VIPR1: variants seen among roughly 807,000 people sequenced by gnomAD.
VIPR1 encodes vasoactive intestinal peptide receptor 1.
A neutral mutation model predicts 58.8 loss-of-function variants in VIPR1; 59 were observed. The ratio of observed to expected loss-of-function variants is 1.00; its 90% CI spans 0.81 to 1.25. The LOEUF (loss-of-function observed/expected upper bound fraction) is 1.25, where lower values mean the gene tolerates loss of function less well. VIPR1 is among the 50% of genes most tolerant of loss of function. VIPR1 has a pLI of 0.00. For missense variants in VIPR1, 626 were observed against 602.7 expected (o/e 1.04, Z -0.40); for synonymous variants, 251 against 242.1 (o/e 1.04, Z -0.34).
rs1423463898 is a variant in VIPR1, at chr3:42,530,933, G to T, written c.790+1G>T. 1.2e-6 allele frequency: 2 copies of T among 1,613,834 alleles called. No homozygotes were observed. Among genetic ancestry groups the T allele is most frequent in the Non-Finnish European group, 1.7e-6 (2 of 1,179,898 alleles). On this transcript the variant is annotated splice_donor_variant, in intron 7 of 12. Coordinates refer to ENST00000325123, the MANE Select transcript of VIPR1 (RefSeq NM_004624.4). LOFTEE classifies it high-confidence loss of function. ...TGGGGGTACATACTCATCGGCTGGG[G>T]TATGGTACCAGGGAGGGCTTCCAGG...
rs1464057349 is a variant in VIPR1 at position 42,502,711 on chromosome 3, G to T, written c.-25G>T. On this transcript the variant is annotated 5_prime_UTR_variant, in exon 1 of 13. Coordinates refer to ENST00000325123, the MANE Select transcript of VIPR1 (RefSeq NM_004624.4). ...GCCAGCTCTTTGCCCGCGCGGGGCC[G>T]CCCGCCGCGGGCTCAGGGCAGACCA... 4 of 1,283,720 alleles carry T rather than the reference G, an allele frequency of 3.1e-6. No homozygotes were observed. The Admixed American group carries it at 1.2e-4, about 40-fold the overall frequency. 79.5% of individuals were successfully genotyped at this position (1,283,720 alleles called of 1,614,324 possible).
At chr3:42,490,060 C>G (rs565230261) in intron 1 of VIPR1, among the ~76,000 whole-genome samples, 1 of 152,180 alleles carries the variant, frequency 6.6e-6, no homozygotes, top group East Asian at 1.9e-4. Context: ...CACTCACACC[C>G]TACCTCATTC....
chr3:42,489,734 G>T (rs1472515367), intron 1 of VIPR1: 2 of 152,392 alleles, frequency 1.3e-5, no homozygotes, highest in Admixed American at 1.3e-4. Context: ...TCATCCCCAG[G>T]CTTCCCCATG....
intron 6 of VIPR1, chr3:42,530,471 AT>A (rs1701476269): frequency 3.4e-6 from 1 of 295,700 alleles, no homozygotes; most frequent in Admixed American, 4.5e-5. Context: ...GAGTGGGTAA[AT>A]AAATGGATAC....
At chr3:42,531,671 G>T (rs971142612) in intron 8 of VIPR1, 132 bp from the exon 9 acceptor site, 3 of 1,540,578 alleles carry the variant, frequency 1.9e-6, no homozygotes, top group Non-Finnish European at 1.8e-6. Flanking sequence ...GGAGGACCTG[G>T]GGAGCAACAG....
At chr3:42,492,479 A>C (rs1699682057) in intron 1 of VIPR1, 1 of 152,472 alleles carries the variant, frequency 6.6e-6, no homozygotes, top group Non-Finnish European at 1.5e-5. Flanking sequence ...TCCACAGAGG[A>C]AGCACCACCA....
rs764143192 is a variant in VIPR1, at chr3:42,536,207, G to A, written c.1300G>A (p.Val434Ile). 5.6e-6 allele frequency: 9 copies of A among 1,596,908 alleles called. No individual in the cohort carries two copies. The Admixed American group carries it at 1.0e-4, about 18-fold the overall frequency. ...GSNGATCSTQVSMLTRVSPGA... is the reference protein window; with the variant it reads ...GSNGATCSTQISMLTRVSPGA... ...CAACGGCGCCACGTGCAGCACGCAG[G>A]TTTCCATGCTGACCCGCGTCAGCCC... The change falls in exon 13 of 13, where the codon GTT becomes ATT. Residue 434 changes from valine to isoleucine, a missense_variant. By Grantham distance (29) the Val-to-Ile change is conservative. Transcript: ENST00000325123.
chr3:42,505,475 C>T (rs960959595), intron 1 of VIPR1, among the ~76,000 whole-genome samples: 24 of 152,238 alleles, frequency 1.6e-4, no homozygotes, highest in African/African-American at 5.5e-4. Flanking sequence ...TCTCCAGAGG[C>T]GGACCACAGC....
intron 2 of VIPR1, among the ~76,000 whole-genome samples, chr3:42,514,532 A>G (rs1294613913): frequency 6.9e-6 from 1 of 144,390 alleles, no homozygotes; most frequent in African/African-American, 2.7e-5. Flanking sequence ...CAGAGGACCG[A>G]TAGTGACACC....
chr3:42,511,259 C>G (rs1387183165), intron 1 of VIPR1, among the ~76,000 whole-genome samples: 3 of 152,242 alleles, frequency 2.0e-5, no homozygotes, highest in Non-Finnish European at 4.4e-5. Context: ...AACAAGAAGA[C>G]AGCAGAAGCT....
intron 4 of VIPR1, 47 bp from the exon 5 acceptor site, chr3:42,527,346 A>T: frequency 1.3e-6 from 2 of 1,533,244 alleles, no homozygotes; most frequent in Non-Finnish European, 1.8e-6. Flanking sequence ...CCCCTAGATG[A>T]GCCTCCCACC....
intron 1 of VIPR1, chr3:42,513,485 G>T (rs75109235): frequency 0.018 from 7,379 of 407,952 alleles, 220 homozygotes; most frequent in African/African-American, 0.091. Flanking sequence ...TGTGCCACCC[G>T]CAAAGAGACA....
intron 1 of VIPR1, 117 bp from the exon 2 acceptor site, chr3:42,513,632 G>A (rs1269237672): frequency 9.2e-7 from 1 of 1,087,172 alleles, no homozygotes; most frequent in African/African-American, 1.6e-5. Context: ...TGGTATTGGG[G>A]TTCCATCTGG....
chr3:42,494,691 C>T (rs1699726569), intron 1 of VIPR1, among the ~76,000 whole-genome samples: 1 of 152,172 alleles, frequency 6.6e-6, no homozygotes, highest in Non-Finnish European at 1.5e-5. Context: ...CTTTATTAAT[C>T]ACTTTGATAT....
chr3:42,515,794 G>A (rs746681912), intron 2 of VIPR1, among the ~76,000 whole-genome samples: 3 of 152,208 alleles, frequency 2.0e-5, no homozygotes, highest in Non-Finnish European at 4.4e-5. Flanking sequence ...TTGTGAGTCA[G>A]AAGTGTGTGT....
intron 10 of VIPR1, 166 bp from the exon 11 acceptor site, chr3:42,534,809 A>C: frequency 1.2e-6 from 1 of 860,240 alleles, no homozygotes; most frequent in Non-Finnish European, 1.7e-6. Context: ...CAGCTGTGGA[A>C]CAGGAGCAGA....
chr3:42,501,914 C>G (rs1320295281), upstream of VIPR1: 1 of 152,242 alleles, frequency 6.6e-6, no homozygotes, highest in Non-Finnish European at 1.5e-5. The surrounding 1 kb of genome is among the most constrained non-coding windows in gnomAD (Gnocchi z 4.8). Flanking sequence ...GTGCGGACAC[C>G]TCATCCTCCC....
intron 1 of VIPR1, among the ~76,000 whole-genome samples, chr3:42,503,488 C>G (rs1373439344): frequency 6.6e-6 from 1 of 152,146 alleles, no homozygotes; most frequent in Non-Finnish European, 1.5e-5. Flanking sequence ...GCAGTGGCCT[C>G]CCTCTTCCTC....
rs60726747 is a variant in VIPR1 at position 42,523,604 on chromosome 3, TACACACACAC to T, written c.293-2256_293-2247del. Among the ~76,000 whole-genome samples, 18 of 129,910 alleles carry T rather than the reference TACACACACAC, an allele frequency of 1.4e-4. No individual in the cohort carries two copies. In the South Asian group the frequency reaches 1.8e-3, roughly 13 times the overall value. 85.2% of individuals were successfully genotyped at this position (129,910 alleles called of 152,430 possible). On this transcript the variant is annotated intron_variant, in intron 3 of 12. Transcript: ENST00000325123. The stretch of plus-strand genomic sequence containing the variant: ...ATGTTTACCCTAACACCTCCGCCAC[TACACACACAC>T]ACACACACACACACACACACACACA...
Sources: allele counts gnomAD v4.1 joint callset (sites outside exome capture counted in the v4.1 genomes callset), GRCh38; gene constraint gnomAD v4.1.1; non-coding constraint Gnocchi (gnomAD v3.1); transcripts MANE v1.5; gene names NCBI Gene and HGNC (gene_info 2026-07-23, HGNC 2026-07-21).